The following GRXCR1 variants were observed in gnomAD, a reference collection of about 807,000 sequenced individuals.
GRXCR1 encodes the protein glutaredoxin domain-containing cysteine-rich protein 1.
Under a neutral mutation model 27.3 loss-of-function variants are expected in GRXCR1, and 27 were observed. The observed-to-expected ratio is 0.99, with a 90% CI of 0.73 to 1.37. The LOEUF (loss-of-function observed/expected upper bound fraction) is 1.37, where lower values mean the gene tolerates loss of function less well. GRXCR1 is among the 40% of genes most tolerant of loss of function. The pLI is 0.00. For missense variants in GRXCR1, 379 were observed against 354.4 expected (o/e 1.07, Z -0.56); for synonymous variants, 122 against 131.1 (o/e 0.93, Z 0.47).
chr4:43,008,637 G>T (rs1712640203), intron 2 of GRXCR1, among the ~76,000 whole-genome samples: 2 of 152,050 alleles, frequency 1.3e-5, no homozygotes, highest in Admixed American at 6.6e-5. Context: ...GACATTATTA[G>T]TATCAGGCTT....
intron 1 of GRXCR1, among the ~76,000 whole-genome samples, chr4:42,912,716 G>A (rs1746752185): frequency 6.6e-6 from 1 of 152,178 alleles, no homozygotes; most frequent in South Asian, 2.1e-4. Flanking sequence ...AAACTAAAGT[G>A]CTGATCCTAG....
At chr4:43,029,020 T>G (rs144807671) in intron 3 of GRXCR1, among the ~76,000 whole-genome samples, 8 of 152,336 alleles carry the variant, frequency 5.3e-5, no homozygotes, top group African/African-American at 1.9e-4. Context: ...AATCCTGCTA[T>G]ATACAGAAAA....
chr4:42,964,431 T>C (rs2035681355), intron 2 of GRXCR1, among the ~76,000 whole-genome samples: 1 of 152,020 alleles, frequency 6.6e-6, no homozygotes, highest in Admixed American at 6.6e-5. Context: ...GCTTTGGTTT[T>C]CTCATTTGTA....
intron 2 of GRXCR1, among the ~76,000 whole-genome samples, chr4:42,989,086 G>A (rs534015570): frequency 3.4e-4 from 52 of 152,308 alleles, no homozygotes; most frequent in African/African-American, 1.3e-3. Flanking sequence ...GGTGGAAGAA[G>A]ATATCAGGAA....
At chr4:42,954,898 T>A (rs764430362) in intron 1 of GRXCR1, among the ~76,000 whole-genome samples, 1 of 152,148 alleles carries the variant, frequency 6.6e-6, no homozygotes, top group Non-Finnish European at 1.5e-5. Flanking sequence ...AGAATAAGAA[T>A]TCAAGATGTG....
chr4:42,909,030 A>G (rs1344406095), intron 1 of GRXCR1, among the ~76,000 whole-genome samples: 1 of 152,184 alleles, frequency 6.6e-6, no homozygotes, highest in Non-Finnish European at 1.5e-5. Context: ...CATAGGGTTT[A>G]TTGAGGACTT....
At chr4:43,014,035 G>T (rs1186985190) in intron 2 of GRXCR1, among the ~76,000 whole-genome samples, 1 of 145,910 alleles carries the variant, frequency 6.9e-6, no homozygotes, top group East Asian at 2.0e-4. Flanking sequence ...GACACCCAAA[G>T]GTCTGTATTA....
intron 2 of GRXCR1, among the ~76,000 whole-genome samples, chr4:43,001,993 C>A (rs529473506): frequency 2.6e-5 from 4 of 152,322 alleles, no homozygotes; most frequent in African/African-American, 9.6e-5. Flanking sequence ...ACCCAAACAT[C>A]TCAGCGGAGT....
At chr4:43,005,958 C>A (rs1277823765) in intron 2 of GRXCR1, among the ~76,000 whole-genome samples, 1 of 152,312 alleles carries the variant, frequency 6.6e-6, no homozygotes, top group East Asian at 1.9e-4. Flanking sequence ...GAGGGACCGG[C>A]TGAAGCCATG....
chr4:42,920,837 CT>C (rs1225370012), intron 1 of GRXCR1, among the ~76,000 whole-genome samples: 1 of 152,080 alleles, frequency 6.6e-6, no homozygotes, highest in African/African-American at 2.4e-5. Context: ...CTTAATAGTT[CT>C]TCCCTCTGGT....
At chr4:42,896,886 A>T (rs1321299392) in intron 1 of GRXCR1, among the ~76,000 whole-genome samples, 1 of 152,150 alleles carries the variant, frequency 6.6e-6, no homozygotes, top group Non-Finnish European at 1.5e-5. Context: ...AATAAAGGTT[A>T]TCCCAACAGC....
chr4:42,989,630 C>T (rs207464575), intron 2 of GRXCR1, among the ~76,000 whole-genome samples: 1 of 152,134 alleles, frequency 6.6e-6, no homozygotes, highest in Non-Finnish European at 1.5e-5. Flanking sequence ...TTGTCTTTCA[C>T]TGTCAATCCA....
chr4:42,907,507 T>C (rs1254212782), intron 1 of GRXCR1, among the ~76,000 whole-genome samples: 2 of 152,272 alleles, frequency 1.3e-5, no homozygotes, highest in African/African-American at 4.8e-5. Context: ...GGTTGCACTG[T>C]ATTTTCAGTC....
intron 2 of GRXCR1, among the ~76,000 whole-genome samples, chr4:42,997,901 A>G (rs1160672999): frequency 1.3e-5 from 2 of 152,192 alleles, no homozygotes; most frequent in African/African-American, 4.8e-5. Context: ...CCTCTCGGGA[A>G]CTGTGAGTAC....
At chr4:43,024,413 C>G (rs1713190322) in intron 3 of GRXCR1, among the ~76,000 whole-genome samples, 2 of 152,130 alleles carry the variant, frequency 1.3e-5, no homozygotes, top group African/African-American at 4.8e-5. Flanking sequence ...TATGATGGTC[C>G]TTCCTAGGGG....
rs138330821 is a variant in GRXCR1, at chr4:42,976,488, C to G, written c.627+13354C>G. Among the ~76,000 whole-genome samples the G allele has an allele frequency of 6.5e-4, 99 of 151,954 alleles. 1 individual carries two copies. Among genetic ancestry groups the G allele is most frequent in the African/African-American group, 2.2e-3 (93 of 41,470 alleles). Reference sequence around the variant, plus strand: ...ATTATAATGTACACACAGAATAATGCATATATCACAAGAGTATAGGTCAGT... The same window carrying G: ...ATTATAATGTACACACAGAATAATGGATATATCACAAGAGTATAGGTCAGT... On this transcript the variant is annotated intron_variant, in intron 2 of 3. Coordinates refer to ENST00000399770, the MANE Select transcript of GRXCR1 (RefSeq NM_001080476.3).
At chr4:43,029,916 T>G (rs1376846490) in intron 3 of GRXCR1, among the ~76,000 whole-genome samples, 1 of 152,242 alleles carries the variant, frequency 6.6e-6, no homozygotes, top group Non-Finnish European at 1.5e-5. Context: ...TCCTGCACAC[T>G]TCAGCTGTTA....
intron 3 of GRXCR1, among the ~76,000 whole-genome samples, chr4:43,023,178 G>A (rs998761272): frequency 8.5e-5 from 13 of 152,162 alleles, no homozygotes; most frequent in African/African-American, 2.9e-4. Flanking sequence ...TAGTAAAGAT[G>A]TTAGGTCCAG....
chr4:43,004,232 G>A (rs1445305723), intron 2 of GRXCR1, among the ~76,000 whole-genome samples: 3 of 152,252 alleles, frequency 2.0e-5, no homozygotes, highest in Non-Finnish European at 4.4e-5. Flanking sequence ...GAGTGTGCAA[G>A]AGATGAGAGT....
Sources: allele counts gnomAD v4.1 joint callset (sites outside exome capture counted in the v4.1 genomes callset), GRCh38; gene constraint gnomAD v4.1.1; transcripts MANE v1.5; gene names NCBI Gene and HGNC (gene_info 2026-07-23, HGNC 2026-07-21).